MDN1: variants seen among roughly 807,000 people sequenced by gnomAD.
MDN1 encodes the protein midasin.
In MDN1, 266 loss-of-function variants were observed where a neutral mutation model predicts 669.2. The observed-to-expected ratio is 0.40, with a 90% confidence interval of 0.36 to 0.44. The LOEUF is 0.44. Among genes scored for constraint, MDN1 ranks in the 20% least tolerant of loss-of-function variants. MDN1 has a pLI of 1.00. For missense variants in MDN1, 5,940 were observed against 6,754.0 expected, an observed-to-expected ratio of 0.88 and a Z score of 4.22; for synonymous variants, 2,385 against 2,457.1, an observed-to-expected ratio of 0.97 and a Z score of 0.87.
intron 53 of MDN1, among the ~76,000 whole-genome samples, chr6:89,703,213 T>C (rs1357672710): frequency 1.3e-5 from 2 of 152,132 alleles, no homozygotes; most frequent in South Asian, 2.1e-4. Flanking sequence ...CTTAGGATTA[T>C]AGGCATGAGC....
At position 89,751,433 on chromosome 6, in the gene MDN1, T is replaced by G. The variant is rs769356869; in HGVS notation, c.3225A>C (p.Ala1075=). Residue 1075 remains alanine (A), a splice_region_variant and synonymous_variant, in exon 23 of 102, where the codon GCA becomes GCC. Transcript: ENST00000369393. ...NLRDIVRVVS[A]GTYPVLIQGE... is the part of the protein sequence containing the mutation. Reference sequence around the variant, plus strand: ...CAGCGAGAAAAAAGCCCACACACCCTGCAGAGACAACTCGGACTATATCTC... The same window carrying G: ...CAGCGAGAAAAAAGCCCACACACCCGGCAGAGACAACTCGGACTATATCTC... 6.2e-7 allele frequency: 1 copy of G among 1,614,138 alleles called. No individual in the cohort carries two copies. The highest frequency in any genetic ancestry group is 8.5e-7 in the Non-Finnish European group (1 of 1,180,012).
At chr6:89,744,282 G>C (rs962747403) in intron 29 of MDN1, among the ~76,000 whole-genome samples, 7 of 151,998 alleles carry the variant, frequency 4.6e-5, no homozygotes, top group African/African-American at 7.3e-5. Flanking sequence ...ATGCAATGAA[G>C]CAAAAAATCA....
Position 89,662,250 on chromosome 6 carries a change from G to C in MDN1, c.14413-11C>G, listed in dbSNP as rs1169022376. ...AAGTTCAGAATCTTCCTAAATGTCA[G>C]AGGAAGAAAAAACAATCATCACACT... On this transcript the variant is annotated splice_polypyrimidine_tract_variant and intron_variant, in intron 86 of 101. Transcript: ENST00000369393. 6 of 1,599,778 alleles carry C rather than the reference G, an allele frequency of 3.8e-6. No homozygotes were observed. Among genetic ancestry groups the C allele is most frequent in the African/African-American group, 1.4e-5 (1 of 73,674 alleles).
intron 5 of MDN1, 53 bp downstream of exon 5, chr6:89,793,709 A>G: frequency 1.4e-6 from 2 of 1,467,756 alleles, no homozygotes; most frequent in South Asian, 1.3e-5. Context: ...GACAGAGCAC[A>G]CTCAGTGTTT....
In MDN1 at chr6:89,694,166, A is replaced by G; in HGVS notation, c.9789T>C (p.Cys3263=). The change falls in exon 62 of 102, where the codon TGT becomes TGC. Residue 3263 remains cysteine (C), a synonymous_variant. Coordinates refer to ENST00000369393, the MANE Select transcript of MDN1 (RefSeq NM_014611.3). ...ATGACAGGTTCCGGGTCTTCCATTC[A>G]CACTGCAGTTGGTGTAACTAATGGA... The part of the protein sequence containing the change: ...YVKEELHQLQ[C]EWKTRNLSSQ... The G allele has an allele frequency of 6.2e-7, 1 of 1,614,058 alleles. No homozygotes were observed. The highest frequency in any genetic ancestry group is 8.5e-7 in the Non-Finnish European group (1 of 1,179,968).
chr6:89,754,266 C>T lies in MDN1; in HGVS notation c.2817-36G>A, dbSNP rs371024703. 6.9e-6 allele frequency: 11 copies of T among 1,597,476 alleles called. No individual in the cohort carries two copies. In the African/African-American group the frequency reaches 1.5e-4, roughly 21 times the overall value. ...AATAAAGGTCAGGCAATTTTATTTACTAATAAGTATCCAGTATTATCAATT... is the reference window on the plus strand; with the variant it reads ...AATAAAGGTCAGGCAATTTTATTTATTAATAAGTATCCAGTATTATCAATT... On this transcript the variant is annotated intron_variant, in intron 20 of 101. Transcript: ENST00000369393.
At chr6:89,802,848 T>C (rs565462708) in intron 2 of MDN1, among the ~76,000 whole-genome samples, 1 of 152,226 alleles carries the variant, frequency 6.6e-6, no homozygotes, top group Non-Finnish European at 1.5e-5. Context: ...TTACTATCTC[T>C]TTAAAAGTCA....
At position 89,688,823 on chromosome 6, in the gene MDN1, T is replaced by C; in HGVS notation, c.11024-15A>G. On this transcript the variant is annotated splice_polypyrimidine_tract_variant and intron_variant, in intron 65 of 101. Coordinates refer to ENST00000369393, the MANE Select transcript of MDN1 (RefSeq NM_014611.3). Reference sequence around the variant, plus strand: ...CAGTTCAACTCCTGTGAAGTTAACATCACGGTAAAGTCAGTGAATTCAGTA... The same window carrying C: ...CAGTTCAACTCCTGTGAAGTTAACACCACGGTAAAGTCAGTGAATTCAGTA... The C allele has an allele frequency of 6.2e-7, 1 of 1,604,408 alleles. No homozygotes were observed. The highest frequency in any genetic ancestry group is 1.1e-5 in the South Asian group (1 of 90,738).
chr6:89,664,012 A>G (rs1052685932), intron 85 of MDN1, among the ~76,000 whole-genome samples: 9 of 151,880 alleles, frequency 5.9e-5, no homozygotes, highest in Non-Finnish European at 1.0e-4. Context: ...GTGGGTATAC[A>G]TGCAATAAAT....
intron 84 of MDN1, among the ~76,000 whole-genome samples, chr6:89,666,048 C>CA (rs759198186): frequency 6.6e-5 from 10 of 151,934 alleles, no homozygotes; most frequent in East Asian, 1.9e-4. Flanking sequence ...CTCCAAAATA[C>CA]AAAAAAACAA....
At chr6:89,647,882 G>T in intron 99 of MDN1, 150 bp downstream of exon 99, 1 of 627,338 alleles carries the variant, frequency 1.6e-6, no homozygotes, top group Non-Finnish European at 2.8e-6. Context: ...GAGCCCGGGA[G>T]TTCGAAGCTA....
At chr6:89,675,254 G>A (rs1811102905) in intron 78 of MDN1, 2 of 547,490 alleles carry the variant, frequency 3.7e-6, no homozygotes, top group African/African-American at 1.9e-5. Context: ...TTCTCAGGAG[G>A]TTCAGAGCAC....
At chr6:89,738,847 G>A (rs1438622097) in intron 32 of MDN1, among the ~76,000 whole-genome samples, 1 of 152,086 alleles carries the variant, frequency 6.6e-6, no homozygotes, top group Non-Finnish European at 1.5e-5. Flanking sequence ...CACAGAGAAG[G>A]GCAGTCTGAT....
chr6:89,670,168 A>ATTTTTTTTTT (rs1431713155), intron 83 of MDN1, among the ~76,000 whole-genome samples: 40 of 21,628 alleles, frequency 1.8e-3, no homozygotes, highest in South Asian at 8.4e-3. Flanking sequence ...ATATATATAT[A>ATTTTTTTTTT]TATTTTTTTT....
intron 30 of MDN1, 127 bp downstream of exon 30, chr6:89,743,448 AC>A: frequency 7.4e-7 from 1 of 1,351,002 alleles, no homozygotes; most frequent in Non-Finnish European, 1.0e-6. Context: ...GCCCTTGTAG[AC>A]CAGAGAAAAT....
intron 51 of MDN1, among the ~76,000 whole-genome samples, 190 bp from the exon 52 acceptor site, chr6:89,707,666 T>C (rs917197011): frequency 6.6e-6 from 1 of 152,136 alleles, no homozygotes; most frequent in Non-Finnish European, 1.5e-5. Flanking sequence ...GAAAGATCGA[T>C]GGATGGAGAA....
Position 89,729,237 on chromosome 6 carries a change from C to T in MDN1, c.5141-98G>A, listed in dbSNP as rs1815422427. 3 of 897,552 alleles carry T rather than the reference C, an allele frequency of 3.3e-6. No homozygotes were observed. The South Asian group carries it at 5.0e-5, about 15-fold the overall frequency. 55.6% of individuals were successfully genotyped at this position (897,552 alleles called of 1,614,324 possible). A position where few individuals can be genotyped will look rare whatever the true frequency, so the allele number is the denominator to read the frequency against. ...TTTAAAAATCTACCACATGGGTTATCAGTTAGTGAAATACCATTTGCAGTG... is the reference window on the plus strand; with the variant it reads ...TTTAAAAATCTACCACATGGGTTATTAGTTAGTGAAATACCATTTGCAGTG... On this transcript the variant is annotated intron_variant, in intron 35 of 101. Transcript: ENST00000369393.
chr6:89,731,942 C>A (rs190232113), intron 34 of MDN1, among the ~76,000 whole-genome samples: 2 of 150,842 alleles, frequency 1.3e-5, no homozygotes, highest in African/African-American at 4.9e-5. Context: ...TCATTACAAA[C>A]ACCCCTCCCC....
intron 11 of MDN1, among the ~76,000 whole-genome samples, chr6:89,778,482 T>G (rs573828842): frequency 6.6e-6 from 1 of 152,200 alleles, no homozygotes; most frequent in East Asian, 1.9e-4. Flanking sequence ...ATATTAAAAA[T>G]ACAGGATTTA....
Sources: gnomAD v4.1 joint callset for allele counts (sites outside exome capture counted in the v4.1 genomes callset) on GRCh38, gnomAD v4.1.1 for gene constraint, MANE v1.5 for transcripts, NCBI Gene and HGNC (gene_info 2026-07-23, HGNC 2026-07-21) for gene names.